DNAAF1: variants seen among roughly 807,000 people sequenced by gnomAD.
The protein encoded by DNAAF1 is dynein axonemal assembly factor 1.
DNAAF1 carries 65 observed loss-of-function variants against 71.1 expected under a neutral mutation model. That is an observed-to-expected ratio of 0.91 (90% CI 0.75 to 1.12). DNAAF1 has a LOEUF of 1.12. Among genes scored for constraint, DNAAF1 ranks in the 50% most tolerant of loss-of-function variants. The pLI is 0.00. For synonymous variants in DNAAF1, 414 were observed against 354.6 expected, an observed-to-expected ratio of 1.17 and a Z score of -1.88; for missense variants, 1,178 against 899.8, an observed-to-expected ratio of 1.31 and a Z score of -3.96.
intron 6 of DNAAF1, among the ~76,000 whole-genome samples, chr16:84,161,625 C>G (rs977831646): frequency 9.9e-5 from 15 of 151,946 alleles, no homozygotes; most frequent in African/African-American, 3.4e-4. Context: ...GTTGGCCTCC[C>G]AAAGCTCTGA....
At chr16:84,172,787 T>TC (rs1282958009) in intron 9 of DNAAF1, 2 of 1,073,746 alleles carry the variant, frequency 1.9e-6, no homozygotes, top group Admixed American at 4.8e-5. Context: ...TTGTATCTTT[T>TC]CCCCCCTCCG....
intron 7 of DNAAF1, among the ~76,000 whole-genome samples, chr16:84,169,105 T>A (rs983425041): frequency 8.2e-5 from 10 of 121,452 alleles, no homozygotes; most frequent in Admixed American, 1.9e-4. Context: ...TTTTTTTTTT[T>A]AGAGAGTCTC....
chr16:84,160,294 TC>T (rs2087638586), intron 6 of DNAAF1, among the ~76,000 whole-genome samples: 1 of 152,232 alleles, frequency 6.6e-6, no homozygotes, highest in Non-Finnish European at 1.5e-5. Flanking sequence ...CACTTATAGT[TC>T]CTCCTTTATG....
intron 7 of DNAAF1, among the ~76,000 whole-genome samples, chr16:84,166,573 A>G (rs746129155): frequency 1.3e-5 from 2 of 151,622 alleles, no homozygotes; most frequent in African/African-American, 2.4e-5. Flanking sequence ...GGGTCTTACT[A>G]TGTTGCCCAC....
At chr16:84,161,813 C>G (rs1345060574) in intron 6 of DNAAF1, among the ~76,000 whole-genome samples, 2 of 152,028 alleles carry the variant, frequency 1.3e-5, no homozygotes, top group Non-Finnish European at 2.9e-5. Flanking sequence ...ACCTTCTCCA[C>G]TTGATGTCTC....
chr16:84,161,090 G>C (rs1033203542), intron 6 of DNAAF1, among the ~76,000 whole-genome samples: 4 of 152,132 alleles, frequency 2.6e-5, no homozygotes, highest in African/African-American at 9.7e-5. Context: ...CTGCAGCCAC[G>C]AGCTACGTTA....
At chr16:84,174,882 G>C in intron 10 of DNAAF1, 160 bp downstream of exon 10, 1 of 959,000 alleles carries the variant, frequency 1.0e-6, no homozygotes, top group Non-Finnish European at 1.6e-6. Context: ...TTCAGGCAGA[G>C]TCTGGCTCTG....
intron 1 of DNAAF1, among the ~76,000 whole-genome samples, chr16:84,148,423 A>G (rs1452562285): frequency 6.6e-6 from 1 of 151,846 alleles, no homozygotes; most frequent in Non-Finnish European, 1.5e-5. Flanking sequence ...CGTTGTTAAC[A>G]GTTTTTGGCT....
intron 5 of DNAAF1, among the ~76,000 whole-genome samples, chr16:84,157,217 T>C (rs937960124): frequency 6.6e-6 from 1 of 152,134 alleles, no homozygotes; most frequent in African/African-American, 2.4e-5. Context: ...ACTTTAATTT[T>C]TCATGTTCAA....
chr16:84,153,487 A>G (rs1210345190), intron 3 of DNAAF1, among the ~76,000 whole-genome samples: 2 of 152,228 alleles, frequency 1.3e-5, no homozygotes, highest in Non-Finnish European at 2.9e-5. Context: ...GTTTAAGTGT[A>G]TTCTATAACT....
intron 9 of DNAAF1, chr16:84,172,860 G>A: frequency 9.7e-7 from 1 of 1,028,028 alleles, no homozygotes; most frequent in Non-Finnish European, 1.2e-6. Flanking sequence ...AGGTGTGACG[G>A]TTCAGTGTCC....
At chr16:84,154,925 T>G (rs1187285431) in intron 4 of DNAAF1, 127 bp downstream of exon 4, 4 of 874,984 alleles carry the variant, frequency 4.6e-6, no homozygotes, top group Non-Finnish European at 7.3e-6. Flanking sequence ...TTGTTTTTTT[T>G]TGAGACAGAG....
chr16:84,155,055 C>T (rs1436466493), intron 4 of DNAAF1, among the ~76,000 whole-genome samples: 1 of 151,980 alleles, frequency 6.6e-6, no homozygotes, highest in Non-Finnish European at 1.5e-5. Context: ...ACTACAGGCA[C>T]CCACCACCAC....
intron 11 of DNAAF1, 38 bp downstream of exon 11, chr16:84,176,337 T>C: frequency 6.2e-7 from 1 of 1,612,224 alleles, no homozygotes; most frequent in South Asian, 1.1e-5. Flanking sequence ...GGAGACAATG[T>C]TGGCTCCCCG....
chr16:84,167,011 G>C (rs1316086604), intron 7 of DNAAF1, among the ~76,000 whole-genome samples: 1 of 152,032 alleles, frequency 6.6e-6, no homozygotes, highest in African/African-American at 2.4e-5. Flanking sequence ...CAAGTGATGG[G>C]CAATGGTCTC....
At chr16:84,174,146 T>G (rs532787189) in intron 9 of DNAAF1, 1 of 995,164 alleles carries the variant, frequency 1.0e-6, no homozygotes, top group African/African-American at 1.7e-5. Context: ...AGTAACAACC[T>G]AGGCACCGTG....
chr16:84,155,500 G>A (rs1303670186), intron 4 of DNAAF1, 83 bp from the exon 5 acceptor site: 2 of 1,475,066 alleles, frequency 1.4e-6, no homozygotes, highest in African/African-American at 1.4e-5. Context: ...AAAGTGCTGG[G>A]ATTACAGGTA....
rs779992454 is a variant in DNAAF1, at chr16:84,177,794, C to T, written c.2131C>T (p.Leu711=). The change falls in exon 12 of 12, where the codon CTG becomes TTG. Residue 711 remains leucine, a synonymous_variant. Transcript: ENST00000378553. The part of the protein sequence containing the change: ...CVGVAQPSQA[L]PTWDLTAFPA... ...CGGAGTTGCCCAGCCCAGCCAAGCT[C>T]TGCCCACGTGGGACCTCACTGCATT... The T allele has an allele frequency of 6.2e-7, 1 of 1,614,136 alleles. No individual in the cohort carries two copies. Among genetic ancestry groups the T allele is most frequent in the Non-Finnish European group, 8.5e-7 (1 of 1,180,010 alleles).
chr16:84,174,496 T>G, intron 9 of DNAAF1, 173 bp from the exon 10 acceptor site: 1 of 1,507,112 alleles, frequency 6.6e-7, no homozygotes, highest in East Asian at 2.5e-5. Flanking sequence ...CAACGCTTGC[T>G]TTGTGTGTAT....
Sources: allele counts gnomAD v4.1 joint callset (sites outside exome capture counted in the v4.1 genomes callset), GRCh38; gene constraint gnomAD v4.1.1; transcripts MANE v1.5; gene names NCBI Gene and HGNC (gene_info 2026-07-23, HGNC 2026-07-21).